The following POLR1C variants were observed in gnomAD, a reference collection of about 807,000 sequenced individuals.
The protein encoded by POLR1C is RNA polymerase I and III subunit C.
In POLR1C, 42 loss-of-function variants were observed where a neutral mutation model predicts 38.3. That is an observed-to-expected ratio of 1.10 (90% CI 0.86 to 1.42). The LOEUF is 1.42. POLR1C is among the 40% of genes most tolerant of loss of function. POLR1C has a pLI of 0.00. For synonymous variants in POLR1C, 163 were observed against 163.9 expected, an observed-to-expected ratio of 0.99 and a Z score of 0.04; for missense variants, 507 against 450.5, an observed-to-expected ratio of 1.13 and a Z score of -1.14.
downstream of POLR1C, among the ~76,000 whole-genome samples, chr6:43,532,591 C>T (rs537725671): frequency 6.6e-5 from 10 of 152,290 alleles, no homozygotes; most frequent in African/African-American, 2.2e-4. Context: ...TCTCTTGCCT[C>T]AGATCTTATA....
rs766760388 is a variant in POLR1C at position 43,520,357 on chromosome 6, T to C, written c.585T>C (p.Asp195=). The C allele has an allele frequency of 1.5e-4, 239 of 1,613,620 alleles. No homozygotes were observed. The highest frequency in any genetic ancestry group is 1.8e-4 in the Non-Finnish European group (217 of 1,179,972). ...AGGGCACTATCCGACCAGTGCATGA[T>C]GATATCCTCATCGCTCAGCTGCGGC... ...FPEGTIRPVH[D]DILIAQLRPG... The change falls in exon 6 of 9, where the codon GAT becomes GAC. Residue 195 remains aspartate, a synonymous_variant. Transcript: ENST00000642195.
chr6:43,527,546 A>G, intron 8 of POLR1C: 1 of 1,331,146 alleles, frequency 7.5e-7, no homozygotes, highest in Non-Finnish European at 1.1e-6. Context: ...AATCCTTTGC[A>G]TTAGTCAGGC....
At chr6:43,557,728 A>T (rs1187595069) in intron 10 of POLR1C, among the ~76,000 whole-genome samples, 1 of 141,816 alleles carries the variant, frequency 7.1e-6, no homozygotes, top group African/African-American at 2.6e-5. Flanking sequence ...CCATTAAATT[A>T]TATACTGTAT....
At chr6:43,558,225 C>T (rs762158278) in intron 10 of POLR1C, among the ~76,000 whole-genome samples, 1 of 151,908 alleles carries the variant, frequency 6.6e-6, no homozygotes, top group Non-Finnish European at 1.5e-5. Context: ...GTATTTAATC[C>T]TAAGTATGAA....
chr6:43,518,535 A>T (rs1792963799), intron 2 of POLR1C, among the ~76,000 whole-genome samples: 2 of 152,174 alleles, frequency 1.3e-5, no homozygotes, highest in African/African-American at 4.8e-5. Context: ...GTCAGAACAG[A>T]TAGTTGCTAA....
intron 10 of POLR1C, chr6:43,553,598 T>C: frequency 6.8e-7 from 1 of 1,467,032 alleles, no homozygotes; most frequent in Non-Finnish European, 9.0e-7. Context: ...CAATGGAGCC[T>C]TAGAGAACAC....
intron 9 of POLR1C, among the ~76,000 whole-genome samples, chr6:43,534,663 AC>A (rs1794204851): frequency 6.6e-6 from 1 of 152,144 alleles, no homozygotes; most frequent in Non-Finnish European, 1.5e-5. Flanking sequence ...CATCTTTTAG[AC>A]CATGTTTAAA....
At chr6:43,535,929 C>T (rs1223765079) in intron 9 of POLR1C, among the ~76,000 whole-genome samples, 1 of 152,024 alleles carries the variant, frequency 6.6e-6, no homozygotes, top group Non-Finnish European at 1.5e-5. Context: ...TCAAGACCAG[C>T]CTGGCCAACA....
chr6:43,531,806 T>C (rs568160686), downstream of POLR1C, among the ~76,000 whole-genome samples: 28 of 152,224 alleles, frequency 1.8e-4, no homozygotes, highest in African/African-American at 6.3e-4. Flanking sequence ...GCTTTTTTTT[T>C]TCCCCCAGAT....
At position 43,534,748 on chromosome 6, in the gene POLR1C, A is replaced by G. The variant is rs575906004; in HGVS notation, c.*4+5389A>G. ...CTCGGTGGCTCACGCCTATAATCCC[A>G]GTACTTTGGGAGGCCGAGGCTGGCG... On this transcript the variant is annotated intron_variant, in intron 9 of 10. Transcript: ENST00000607635. Among the ~76,000 whole-genome samples the G allele has an allele frequency of 2.8e-3, 425 of 152,304 alleles. 2 individuals are homozygous for G. The highest frequency in any genetic ancestry group is 9.4e-3 in the African/African-American group (390 of 41,572).
At chr6:43,542,863 A>G (rs1404034597) in intron 9 of POLR1C, among the ~76,000 whole-genome samples, 1 of 152,250 alleles carries the variant, frequency 6.6e-6, no homozygotes, top group East Asian at 1.9e-4. Context: ...TTCTACTCCT[A>G]TGTGTGTATC....
chr6:43,532,424 T>A (rs1315631819), downstream of POLR1C, among the ~76,000 whole-genome samples: 1 of 152,188 alleles, frequency 6.6e-6, no homozygotes, highest in South Asian at 2.1e-4. Context: ...CTATGGGGGC[T>A]GTGATGGTGA....
Position 43,520,633 on chromosome 6 carries a change from C to A in POLR1C, c.664C>A (p.His222Asn). 6.2e-7 allele frequency: 1 copy of A among 1,614,162 alleles called. No individual in the cohort carries two copies. The highest frequency in any genetic ancestry group is 8.5e-7 in the Non-Finnish European group (1 of 1,180,024). ...TCCCTCTTCCTCTCCAGGCAAAGAT[C>A]ATGCCAAGTTTTCACCAGTGGCAAC... ...MHCVKGIGKD[H>N]AKFSPVATAS... is the part of the protein sequence containing the mutation. The change falls in exon 7 of 9, where the codon CAT becomes AAT. Residue 222 changes from histidine to asparagine, a missense_variant. Coordinates refer to ENST00000642195, the MANE Select transcript of POLR1C (RefSeq NM_203290.4).
intron 9 of POLR1C, chr6:43,547,481 A>G: frequency 1.3e-6 from 1 of 789,398 alleles, no homozygotes; most frequent in Non-Finnish European, 2.2e-6. Context: ...GGAGAAGCTT[A>G]GGGAAGTGGA....
At chr6:43,560,147 C>T (rs760515852) in intron 10 of POLR1C, 16 of 1,606,524 alleles carry the variant, frequency 1.0e-5, no homozygotes, top group South Asian at 6.7e-5. Context: ...TATTCACCTA[C>T]ATTCCACATG....
At position 43,562,273 on chromosome 6, in the gene POLR1C, G is replaced by A. The variant is rs749059398; in HGVS notation, c.*922G>A. The A allele has an allele frequency of 1.8e-5, 29 of 1,608,242 alleles. No homozygotes were observed. In the African/African-American group the frequency reaches 3.3e-4, roughly 19 times the overall value. On this transcript the variant is annotated 3_prime_UTR_variant, in exon 11 of 11. Coordinates refer to the POLR1C transcript ENST00000607635. ...AGCAATGCACACAGCTGATTGCCCA[G>A]CGCACACAACACCTGACAGAGCCTC...
At chr6:43,530,768 T>C, downstream of POLR1C, 1 of 1,613,946 alleles carries the variant, frequency 6.2e-7, no homozygotes, top group Non-Finnish European at 8.5e-7. Flanking sequence ...AGCAAGGTCC[T>C]CCACAGTATA....
At position 43,546,475 on chromosome 6, in the gene POLR1C, T is replaced by C. The variant is rs1012537646; in HGVS notation, c.*5-4493T>C. 4.1e-6 allele frequency: 5 copies of C among 1,223,192 alleles called. No homozygotes were observed. The African/African-American group carries it at 6.2e-5, about 15-fold the overall frequency. The allele number at this position is 1,223,192 out of a possible 1,614,324, so 75.8% of individuals were successfully genotyped here. A position where few individuals can be genotyped will look rare whatever the true frequency, so the allele number is the denominator to read the frequency against. On this transcript the variant is annotated intron_variant, in intron 9 of 10. Coordinates refer to the POLR1C transcript ENST00000607635. ...AAGACTTAAATCAATCCCTCATTAA[T>C]ACCACTAAGATATGAAGACATGTAA...
intron 4 of POLR1C, 40 bp from the exon 5 acceptor site, chr6:43,520,026 G>C: frequency 1.2e-6 from 2 of 1,611,716 alleles, no homozygotes; most frequent in Middle Eastern, 1.7e-4. Context: ...CTGGCACTCA[G>C]ACGTTTACTA....
Sources: allele counts gnomAD v4.1 joint callset (sites outside exome capture counted in the v4.1 genomes callset), GRCh38; gene constraint gnomAD v4.1.1; transcripts MANE v1.5; gene names NCBI Gene and HGNC (gene_info 2026-07-23, HGNC 2026-07-21).